The following KLHL8 variants were observed in gnomAD, a reference collection of about 807,000 sequenced individuals.
KLHL8 encodes kelch like family member 8.
In KLHL8, 38 loss-of-function variants were observed where a neutral mutation model predicts 63.5. The ratio of observed to expected loss-of-function variants is 0.60; its 90% confidence interval spans 0.46 to 0.78. The LOEUF (loss-of-function observed/expected upper bound fraction) is 0.78. KLHL8 is among the 30% of genes least tolerant of loss of function. KLHL8 has a pLI of 0.00. For missense variants in KLHL8, 566 were observed against 752.4 expected (o/e 0.75, Z 2.90); for synonymous variants, 224 against 254.3 (o/e 0.88, Z 1.13).
chr4:87,182,098 G>A (rs932968867), intron 4 of KLHL8, among the ~76,000 whole-genome samples: 3 of 151,714 alleles, frequency 2.0e-5, no homozygotes, highest in Admixed American at 2.0e-4. Flanking sequence ...GCATGGTTGT[G>A]GGCGCCTGTA....
At chr4:87,208,247 C>T (rs1732236329) in intron 1 of KLHL8, among the ~76,000 whole-genome samples, 1 of 152,084 alleles carries the variant, frequency 6.6e-6, no homozygotes, top group Non-Finnish European at 1.5e-5. Flanking sequence ...CCCAGGAGCC[C>T]CACCTTGTCA....
At chr4:87,201,280 A>AC (rs1560709333) in intron 1 of KLHL8, among the ~76,000 whole-genome samples, 4 of 152,234 alleles carry the variant, frequency 2.6e-5, no homozygotes. Flanking sequence ...TTTCACCGCA[A>AC]TAAAAAAAGA....
At chr4:87,228,092 T>G (rs1003866248) in intron 1 of KLHL8, among the ~76,000 whole-genome samples, 1 of 151,996 alleles carries the variant, frequency 6.6e-6, no homozygotes, top group African/African-American at 2.4e-5. Flanking sequence ...CATTGATGTG[T>G]CAGGAGGGCA....
intron 1 of KLHL8, among the ~76,000 whole-genome samples, chr4:87,218,070 G>A (rs890001287): frequency 2.6e-5 from 4 of 152,078 alleles, no homozygotes; most frequent in Non-Finnish European, 5.9e-5. Flanking sequence ...GTCAATGTAG[G>A]TTCATCAATT....
chr4:87,175,359 C>T (rs927918877), intron 6 of KLHL8, among the ~76,000 whole-genome samples: 10 of 152,142 alleles, frequency 6.6e-5, no homozygotes, highest in Admixed American at 1.3e-4. Context: ...GTATTATATT[C>T]ACTTTTTTCC....
intron 1 of KLHL8, among the ~76,000 whole-genome samples, chr4:87,232,225 T>C (rs1733148616): frequency 6.6e-6 from 1 of 152,208 alleles, no homozygotes; most frequent in Admixed American, 6.5e-5. Flanking sequence ...TTCTTTGTAG[T>C]TGTACCCTAT....
chr4:87,170,790 A>G (rs141473701), intron 6 of KLHL8, among the ~76,000 whole-genome samples, 175 bp from the exon 7 acceptor site: 1 of 152,372 alleles, frequency 6.6e-6, no homozygotes, highest in East Asian at 1.9e-4. Context: ...AGAATTGCCA[A>G]ACTGTGCAAC....
rs1578388803 is a variant in KLHL8, at chr4:87,200,624, T to C, written c.-151-4934A>G. 2.6e-5 allele frequency among the ~76,000 whole-genome samples: 4 copies of C among 152,146 alleles called. No homozygotes were observed. The East Asian group carries it at 7.7e-4, about 29-fold the overall frequency. On this transcript the variant is annotated intron_variant, in intron 1 of 9. Coordinates refer to ENST00000273963, the MANE Select transcript of KLHL8 (RefSeq NM_020803.5). ...AGATATCACCTTACACCTGTTGGGATGGGGAAAGAAAGAAGTGTTGGCAAG... is the reference window on the plus strand; with the variant it reads ...AGATATCACCTTACACCTGTTGGGACGGGGAAAGAAAGAAGTGTTGGCAAG...
chr4:87,213,100 T>C (rs1732469898), intron 1 of KLHL8, among the ~76,000 whole-genome samples: 1 of 152,246 alleles, frequency 6.6e-6, no homozygotes, highest in Non-Finnish European at 1.5e-5. Context: ...GGATCTGTTT[T>C]ATTAAAAAGG....
chr4:87,234,398 C>T (rs1489903463), intron 1 of KLHL8, among the ~76,000 whole-genome samples: 1 of 150,160 alleles, frequency 6.7e-6, no homozygotes, highest in Non-Finnish European at 1.5e-5. Flanking sequence ...GAGGTCGTAC[C>T]ACTGCACTCA....
intron 1 of KLHL8, among the ~76,000 whole-genome samples, chr4:87,214,859 C>A (rs1448183058): frequency 1.3e-5 from 2 of 152,028 alleles, no homozygotes; most frequent in Non-Finnish European, 1.5e-5. Flanking sequence ...AGTGCAGTGG[C>A]ACAATCTCAG....
At chr4:87,175,414 T>C (rs1053856463) in intron 6 of KLHL8, among the ~76,000 whole-genome samples, 2 of 152,178 alleles carry the variant, frequency 1.3e-5, no homozygotes, top group African/African-American at 4.8e-5. Context: ...TTCAGGTACT[T>C]TTCTCCATAT....
intron 1 of KLHL8, among the ~76,000 whole-genome samples, chr4:87,226,684 TAATATATATATTATTTATATATAA>T (rs1732993066): frequency 9.3e-5 from 1 of 10,748 alleles, no homozygotes; most frequent in African/African-American, 5.9e-4. Context: ...TATTTATATA[TAATATATATATTATTTATATATAA>T]TATATATTAT....
At chr4:87,174,534 C>T (rs1730748564) in intron 6 of KLHL8, among the ~76,000 whole-genome samples, 1 of 152,158 alleles carries the variant, frequency 6.6e-6, no homozygotes, top group South Asian at 2.1e-4. Flanking sequence ...CCATCTTGGC[C>T]TCCCAAAGTG....
At chr4:87,186,922 T>C (rs374458568) in intron 2 of KLHL8, among the ~76,000 whole-genome samples, 2 of 152,150 alleles carry the variant, frequency 1.3e-5, no homozygotes, top group African/African-American at 4.8e-5. Context: ...ACTGAGGTTT[T>C]TTTTTATTTT....
chr4:87,212,814 T>G (rs1358058881), intron 1 of KLHL8, among the ~76,000 whole-genome samples: 1 of 152,322 alleles, frequency 6.6e-6, no homozygotes, highest in African/African-American at 2.4e-5. Context: ...ACATGCTGTA[T>G]AGGTTTGTAA....
In KLHL8 at chr4:87,240,292, T is replaced by C. The variant is rs1447916170; in HGVS notation, n.23A>G. 3 of 152,366 alleles carry C rather than the reference T, an allele frequency of 2.0e-5. No individual in the cohort carries two copies. The East Asian group carries it at 5.8e-4, about 29-fold the overall frequency. The allele number at this position is 152,366 out of a possible 1,614,324, so 9.4% of individuals were successfully genotyped here. On this transcript the variant is annotated non_coding_transcript_exon_variant, in exon 1 of 2. Transcript: ENST00000506274. ...AGGTTGTAGAGGCATTTACATCAGC[T>C]TCTTCTGAAAATGACAGCATCTAAA...
At chr4:87,176,720 C>A in intron 6 of KLHL8, 37 bp downstream of exon 6, 1 of 1,174,602 alleles carries the variant, frequency 8.5e-7, no homozygotes, top group Admixed American at 2.2e-5. Context: ...ACTTTATTTC[C>A]ACCATCAGTT....
chr4:87,161,089 G>A lies in KLHL8; in HGVS notation c.*2430C>T, dbSNP rs543864363. On this transcript the variant is annotated 3_prime_UTR_variant, in exon 10 of 10. Coordinates refer to ENST00000273963, the MANE Select transcript of KLHL8 (RefSeq NM_020803.5). ...GATGGAGTTTCACTCTTGTTTCACC[G>A]CTGGAGTGCGATGGCTCAACCTCGG... 5 of 123,892 alleles carry A rather than the reference G, an allele frequency of 4.0e-5. No homozygotes were observed. The highest frequency in any genetic ancestry group is 5.2e-4 in the East Asian group (2 of 3,844). 7.7% of individuals were successfully genotyped at this position (123,892 alleles called of 1,614,324 possible). A position where few individuals can be genotyped will look rare whatever the true frequency, so the allele number is the denominator to read the frequency against.
Sources: allele counts gnomAD v4.1 joint callset (sites outside exome capture counted in the v4.1 genomes callset), GRCh38; gene constraint gnomAD v4.1.1; transcripts MANE v1.5; gene names NCBI Gene and HGNC (gene_info 2026-07-23, HGNC 2026-07-21).